Variants in CFAP91 observed in about 807,000 individuals in gnomAD.
The protein encoded by CFAP91 is cilia and flagella associated protein 91.
CFAP91 carries 85 observed loss-of-function variants against 95.9 expected under a neutral mutation model. The ratio of observed to expected loss-of-function variants is 0.89; its 90% confidence interval spans 0.74 to 1.06. The LOEUF (loss-of-function observed/expected upper bound fraction) is 1.06. CFAP91 is among the 50% of genes least tolerant of loss of function. The probability of loss-of-function intolerance (pLI) is 0.00; values close to 1 mark genes in which losing one functional copy is unlikely to be tolerated. For synonymous variants in CFAP91, 335 were observed against 327.5 expected (o/e 1.02, Z -0.25); for missense variants, 962 against 943.4 (o/e 1.02, Z -0.26).
rs138590411 is a variant in CFAP91, at chr3:119,718,953, A to T, written c.682+3210A>T. Among the ~76,000 whole-genome samples, 1,014 of 152,262 alleles carry T rather than the reference A, an allele frequency of 6.7e-3. 6 individuals are homozygous for T. Among genetic ancestry groups the T allele is most frequent in the Middle Eastern group, 0.027 (8 of 294 alleles). On this transcript the variant is annotated intron_variant, in intron 6 of 17. Transcript: ENST00000273390. The stretch of plus-strand genomic sequence containing the variant: ...CACATTATTCTGCTAACGGAAATGC[A>T]TAGGAGTGTTCACCAAAAGACATAT...
rs60453079 is a variant in CFAP91, at chr3:119,730,601, A to AGTGTGTGT, written c.1018+266_1018+273dup. On this transcript the variant is annotated intron_variant, in intron 8 of 17. Coordinates refer to ENST00000273390, the MANE Select transcript of CFAP91 (RefSeq NM_033364.4). ...TAACAGGTAGTCGAGTTACTGAGATAGTGTGTGTGTGTGTGTGTGTGTGTG... is the reference window on the plus strand; with the variant it reads ...TAACAGGTAGTCGAGTTACTGAGATAGTGTGTGTGTGTGTGTGTGTGTGTGTGTGTGTG... Among the ~76,000 whole-genome samples, 466 of 137,188 alleles carry AGTGTGTGT rather than the reference A, an allele frequency of 3.4e-3. 2 individuals carry two copies. The highest frequency in any genetic ancestry group is 0.026 in the East Asian group (116 of 4,504). The allele number at this position is 137,188 out of a possible 152,430, so 90.0% of individuals were successfully genotyped here. A position where few individuals can be genotyped will look rare whatever the true frequency, so the allele number is the denominator to read the frequency against.
intron 17 of CFAP91, among the ~76,000 whole-genome samples, chr3:119,758,289 A>C (rs987734491): frequency 1.3e-5 from 2 of 152,176 alleles, no homozygotes; most frequent in African/African-American, 2.4e-5. Context: ...TTTTTAATGA[A>C]TCTATCCTAA....
chr3:119,733,236 A>G (rs971488854), intron 9 of CFAP91, 128 bp from the exon 10 acceptor site: 2 of 847,324 alleles, frequency 2.4e-6, no homozygotes, highest in Non-Finnish European at 1.8e-6. Context: ...TCATTCTATT[A>G]TATGAGATAC....
chr3:119,753,474 C>T (rs1435171327), intron 17 of CFAP91, among the ~76,000 whole-genome samples: 1 of 152,036 alleles, frequency 6.6e-6, no homozygotes, highest in Non-Finnish European at 1.5e-5. Flanking sequence ...AGGAACCTGC[C>T]AGAAATAAAA....
intron 17 of CFAP91, among the ~76,000 whole-genome samples, chr3:119,759,035 T>A (rs2054486166): frequency 1.3e-5 from 2 of 152,072 alleles, no homozygotes; most frequent in Non-Finnish European, 2.9e-5. Context: ...TAAATGAGTA[T>A]CCTTGATTTT....
intron 17 of CFAP91, among the ~76,000 whole-genome samples, chr3:119,760,136 A>C (rs1043027200): frequency 1.3e-5 from 2 of 151,868 alleles, no homozygotes; most frequent in Non-Finnish European, 3.0e-5. Flanking sequence ...AGCCTACAAG[A>C]GTCTCACTTC....
At chr3:119,723,149 A>T (rs1328113820) in intron 6 of CFAP91, among the ~76,000 whole-genome samples, 2 of 152,196 alleles carry the variant, frequency 1.3e-5, no homozygotes, top group Non-Finnish European at 2.9e-5. Flanking sequence ...TATGTAATTC[A>T]TGAACCAGTA....
chr3:119,754,744 TG>T (rs995595468), intron 17 of CFAP91, among the ~76,000 whole-genome samples: 2 of 152,188 alleles, frequency 1.3e-5, no homozygotes, highest in African/African-American at 4.8e-5. Context: ...GACCACCCAG[TG>T]GACCCCAGCT....
Position 119,739,335 on chromosome 3 carries a change from G to A in CFAP91, c.1533+9G>A. ...GAGTCGTTCAGAACATGGTGTGTAG[G>A]TCCAACCGCTGGCCCTGCATTTCTC... On this transcript the variant is annotated intron_variant, in intron 12 of 17. Transcript: ENST00000273390. 6.2e-7 allele frequency: 1 copy of A among 1,613,046 alleles called. No individual in the cohort carries two copies. The highest frequency in any genetic ancestry group is 8.5e-7 in the Non-Finnish European group (1 of 1,179,250).
At chr3:119,747,777 A>AAAGAAAT (rs1254765216) in intron 15 of CFAP91, 34 bp from the exon 16 acceptor site, 1 of 1,584,570 alleles carries the variant, frequency 6.3e-7, no homozygotes, top group African/African-American at 1.4e-5. Flanking sequence ...TGAAAAAACC[A>AAAGAAAT]AAGAAATAAT....
In CFAP91 at chr3:119,744,031, G is replaced by A. The variant is rs907984194; in HGVS notation, c.1737G>A (p.Met579Ile). Residue 579 changes from methionine to isoleucine, a missense_variant, in exon 14 of 18, where the codon ATG becomes ATA. Transcript: ENST00000273390. Reference protein sequence around the residue: ...AGLEGRALADMFDFLSKELVR... With the variant: ...AGLEGRALADIFDFLSKELVR... ...TGGAAGGAAGGGCACTAGCAGACAT[G>A]TTTGACTTCCTGTCCAAAGAGCTGG... 1.2e-6 allele frequency: 2 copies of A among 1,614,176 alleles called. No individual in the cohort carries two copies. Among genetic ancestry groups the A allele is most frequent in the East Asian group, 2.2e-5 (1 of 44,880 alleles).
In CFAP91 at chr3:119,726,235, T is replaced by G. The variant is rs1480393265; in HGVS notation, c.747T>G (p.Ala249=). Residue 249 remains alanine, a synonymous_variant, in exon 7 of 18, where the codon GCT becomes GCG. Transcript: ENST00000273390. ...EMIERAREKR[A]WEASLPALSD... ...TAGAAAGAGCCCGCGAGAAGCGTGC[T>G]TGGGAAGCCTCTCTCCCCGCTCTGA... The G allele has an allele frequency of 3.1e-6, 5 of 1,613,692 alleles. No individual in the cohort carries two copies. The highest frequency in any genetic ancestry group is 1.3e-5 in the African/African-American group (1 of 74,888).
At chr3:119,720,946 T>C (rs1272791886) in intron 6 of CFAP91, among the ~76,000 whole-genome samples, 1 of 152,152 alleles carries the variant, frequency 6.6e-6, no homozygotes, top group East Asian at 1.9e-4. Context: ...AGTTTGTACA[T>C]GTTCAGAACA....
intron 11 of CFAP91, 112 bp downstream of exon 11, chr3:119,737,594 TCTGA>T (rs1375164774): frequency 1.7e-6 from 1 of 599,950 alleles, no homozygotes; most frequent in African/African-American, 1.9e-5. Context: ...TTTCCCAAGC[TCTGA>T]CTTAAATATT....
At position 119,766,516 on chromosome 3, in the gene CFAP91, G is replaced by C. The variant is rs2054630783; in HGVS notation, c.*1466G>C. 1 of 152,086 alleles carries C rather than the reference G, an allele frequency of 6.6e-6. No homozygotes were observed. The highest frequency in any genetic ancestry group is 2.1e-4 in the South Asian group (1 of 4,818). The allele number at this position is 152,086 out of a possible 1,614,324, so 9.4% of individuals were successfully genotyped here. ...GGTAAAGGTTATATCATTCACTTTTGAAATAAACCATCGAGAACACAAAAT... is the reference window on the plus strand; with the variant it reads ...GGTAAAGGTTATATCATTCACTTTTCAAATAAACCATCGAGAACACAAAAT... On this transcript the variant is annotated 3_prime_UTR_variant, in exon 18 of 18. Coordinates refer to ENST00000273390, the MANE Select transcript of CFAP91 (RefSeq NM_033364.4).
chr3:119,758,125 A>G (rs978729690), intron 17 of CFAP91, among the ~76,000 whole-genome samples: 7 of 152,180 alleles, frequency 4.6e-5, no homozygotes, highest in Middle Eastern at 3.2e-3. Context: ...TCATACTGAC[A>G]TTCAGTGATT....
chr3:119,710,028 C>A, intron 5 of CFAP91, 133 bp downstream of exon 5: 1 of 688,894 alleles, frequency 1.5e-6, no homozygotes. Context: ...GGTATGAAAT[C>A]TTCTAGTGTG....
At chr3:119,708,335 AT>A (rs888944037) in intron 3 of CFAP91, among the ~76,000 whole-genome samples, 6 of 151,274 alleles carry the variant, frequency 4.0e-5, no homozygotes, top group African/African-American at 1.5e-4. Context: ...AAAATTGGGC[AT>A]TTTTGTATGT....
intron 2 of CFAP91, 166 bp downstream of exon 2, chr3:119,707,051 C>T: frequency 1.7e-6 from 1 of 600,148 alleles, no homozygotes; most frequent in Non-Finnish European, 3.0e-6. Context: ...ATACGTGTGG[C>T]TCATTGTGAG....
Sources: gnomAD v4.1 joint callset for allele counts (sites outside exome capture counted in the v4.1 genomes callset) on GRCh38, gnomAD v4.1.1 for gene constraint, MANE v1.5 for transcripts, NCBI Gene and HGNC (gene_info 2026-07-23, HGNC 2026-07-21) for gene names.